Variants in CNTNAP1 observed in about 807,000 individuals in gnomAD.
The protein encoded by CNTNAP1 is contactin-associated protein 1.
A neutral mutation model predicts 161.5 loss-of-function variants in CNTNAP1; 80 were observed. The ratio of observed to expected loss-of-function variants is 0.50; its 90% CI spans 0.41 to 0.60. The LOEUF is 0.60. CNTNAP1 is among the 20% of genes least tolerant of loss of function. CNTNAP1 has a pLI of 0.00. For missense variants in CNTNAP1, 1,464 were observed against 1,854.8 expected (o/e 0.79, Z 3.87); for synonymous variants, 695 against 733.1 (o/e 0.95, Z 0.84).
intron 1 of CNTNAP1, chr17:42,683,369 G>A (rs1011683800): frequency 1.0e-4 from 113 of 1,078,972 alleles, no homozygotes; most frequent in Non-Finnish European, 1.2e-4. Flanking sequence ...GGCTGGACAT[G>A]GAGCTGGTGA....
rs2052998815 is a variant in CNTNAP1 at position 42,685,841 on chromosome 17, C to T, written c.716-116C>T. ...ACTCGCCAATGGCTGTTGATCTATTCGCCCACTCTCCCTGATTGCCCTGGG... is the reference window on the plus strand; with the variant it reads ...ACTCGCCAATGGCTGTTGATCTATTTGCCCACTCTCCCTGATTGCCCTGGG... On this transcript the variant is annotated intron_variant, in intron 5 of 23. Transcript: ENST00000264638. The surrounding 1 kb of genome is among the most constrained non-coding windows in gnomAD (Gnocchi z 5.0). 7.5e-6 allele frequency: 8 copies of T among 1,072,416 alleles called. No homozygotes were observed. The highest frequency in any genetic ancestry group is 1.6e-5 in the African/African-American group (1 of 63,254). The allele number at this position is 1,072,416 out of a possible 1,614,324, so 66.4% of individuals were successfully genotyped here. A position where few individuals can be genotyped will look rare whatever the true frequency, so the allele number is the denominator to read the frequency against.
intron 18 of CNTNAP1, among the ~76,000 whole-genome samples, chr17:42,694,560 G>A (rs982825044): frequency 1.3e-5 from 2 of 151,566 alleles, no homozygotes; most frequent in African/African-American, 4.8e-5. Flanking sequence ...CACCTAGGAG[G>A]TCAAGGCTGC....
In CNTNAP1 at chr17:42,691,548, C is replaced by T. The variant is rs755872808; in HGVS notation, c.2344+37C>T. ...TCCCCTTTTGTGTGCCCTCCCAGAG[C>T]TGACTCTCCAGTTTCCAAAATCTAG... is the stretch of plus-strand genomic sequence containing the variant. On this transcript the variant is annotated intron_variant, in intron 15 of 23. Coordinates refer to ENST00000264638, the MANE Select transcript of CNTNAP1 (RefSeq NM_003632.3). This position sits in a 1 kb window ranked among gnomAD's most constrained non-coding sequence, Gnocchi z 4.3. 2.5e-6 allele frequency: 4 copies of T among 1,610,624 alleles called. No individual in the cohort carries two copies. The highest frequency in any genetic ancestry group is 4.5e-5 in the East Asian group (2 of 44,846).
In CNTNAP1 at chr17:42,699,755, C is replaced by G. The variant is rs964458434; in HGVS notation, c.*845C>G. ...TGCAAAGTGTCTCTCTAGAGAAACT[C>G]TATATATTATTCGAATTTTTAAATT... On this transcript the variant is annotated 3_prime_UTR_variant, in exon 24 of 24. Transcript: ENST00000264638. 6.6e-6 allele frequency: 1 copy of G among 152,608 alleles called. No individual in the cohort carries two copies. Among genetic ancestry groups the G allele is most frequent in the African/African-American group, 2.4e-5 (1 of 41,436 alleles). 9.5% of individuals were successfully genotyped at this position (152,608 alleles called of 1,614,324 possible).
intron 21 of CNTNAP1, 68 bp downstream of exon 21, chr17:42,697,435 A>C (rs1436291487): frequency 1.5e-5 from 24 of 1,606,972 alleles, no homozygotes; most frequent in Non-Finnish European, 2.0e-5. Context: ...CCTCAAGGAA[A>C]GTGAAGGCCC....
intron 6 of CNTNAP1, 151 bp from the exon 7 acceptor site, chr17:42,686,752 A>G (rs2053021040): frequency 3.3e-6 from 3 of 907,944 alleles, no homozygotes; most frequent in East Asian, 5.3e-5. Context: ...TGAAAGGCCT[A>G]GCGAGCTTTA....
Position 42,697,917 on chromosome 17 carries a change from CA to C in CNTNAP1, c.3830del (p.His1277LeufsTer10). 6.2e-7 allele frequency: 1 copy of C among 1,614,160 alleles called. No individual in the cohort carries two copies. The highest frequency in any genetic ancestry group is 8.5e-7 in the Non-Finnish European group (1 of 1,180,020). ...WYLPPDFPYY[H>X]DEGWVAILLG... ...CTCCTCTCCAGACTTCCCCTACTAC[CA>C]TGATGAAGGATGGGTTGCCATACTT... On this transcript the variant is annotated frameshift_variant, in exon 23 of 24. Coordinates refer to ENST00000264638, the MANE Select transcript of CNTNAP1 (RefSeq NM_003632.3). LOFTEE classifies it high-confidence loss of function.
rs2053185052 is a variant in CNTNAP1, at chr17:42,698,662, C to T, written c.3907C>T (p.Leu1303Phe). Residue 1303 changes from leucine to phenylalanine, a missense_variant, in exon 24 of 24, where the codon CTC becomes TTC. Physicochemically the swap from Leu to Phe is conservative, Grantham distance 22. Around this residue, in one of 3 missense-constraint regions of CNTNAP1, gnomAD observed 1,383 missense variants for 1,765.0 expected, o/e 0.78. Transcript: ENST00000264638. Reference protein sequence around the residue: ...LLLGLVGMLVLFYLQNHRYKG... With the variant: ...LLLGLVGMLVFFYLQNHRYKG... Reference sequence around the variant, plus strand: ...GCTGGGGCTGGTGGGAATGTTGGTGCTCTTCTATCTGCAAAATCATCGCTA... The same window carrying T: ...GCTGGGGCTGGTGGGAATGTTGGTGTTCTTCTATCTGCAAAATCATCGCTA... 6.2e-7 allele frequency: 1 copy of T among 1,607,866 alleles called. No homozygotes were observed. The highest frequency in any genetic ancestry group is 1.7e-5 in the Admixed American group (1 of 59,632).
In CNTNAP1 at chr17:42,692,632, G is replaced by C. The variant is rs748524929; in HGVS notation, c.2664G>C (p.Arg888=). The stretch of plus-strand genomic sequence containing the variant: ...CTGAAATCAACGTGAAGCAGGCCCG[G>C]CTCCGAGTGGATCACCGGCCCTGGG... The part of the protein sequence containing the change: ...VRAEINVKQA[R]LRVDHRPWVL... Residue 888 remains arginine, a synonymous_variant, in exon 17 of 24, where the codon CGG becomes CGC. Transcript: ENST00000264638. The C allele has an allele frequency of 6.2e-7, 1 of 1,614,110 alleles. No homozygotes were observed. Among genetic ancestry groups the C allele is most frequent in the Non-Finnish European group, 8.5e-7 (1 of 1,180,054 alleles).
At position 42,687,063 on chromosome 17, in the gene CNTNAP1, G is replaced by C. The variant is rs746089259; in HGVS notation, c.1044+17G>C. On this transcript the variant is annotated intron_variant, in intron 7 of 23. Transcript: ENST00000264638. This position sits in a 1 kb window ranked among gnomAD's most constrained non-coding sequence, Gnocchi z 4.7. ...ACCTTCGAGGCCAGTGGGCAGGGGG[G>C]TCTGGGAGGACAGGATATCAAAGCG... The C allele has an allele frequency of 3.1e-6, 5 of 1,604,974 alleles. No individual in the cohort carries two copies. The South Asian group carries it at 5.5e-5, about 18-fold the overall frequency.
Position 42,685,845 on chromosome 17 carries a change from C to T in CNTNAP1, c.716-112C>T. 8.9e-7 allele frequency: 1 copy of T among 1,127,502 alleles called. No homozygotes were observed. Among genetic ancestry groups the T allele is most frequent in the Non-Finnish European group, 1.3e-6 (1 of 787,324 alleles). The allele number at this position is 1,127,502 out of a possible 1,614,324, so 69.8% of individuals were successfully genotyped here. A position where few individuals can be genotyped will look rare whatever the true frequency, so the allele number is the denominator to read the frequency against. ...GCCAATGGCTGTTGATCTATTCGCCCACTCTCCCTGATTGCCCTGGGCTTT... is the reference window on the plus strand; with the variant it reads ...GCCAATGGCTGTTGATCTATTCGCCTACTCTCCCTGATTGCCCTGGGCTTT... On this transcript the variant is annotated intron_variant, in intron 5 of 23. Transcript: ENST00000264638. This position sits in a 1 kb window ranked among gnomAD's most constrained non-coding sequence, Gnocchi z 5.0.
chr17:42,688,446 A>T lies in CNTNAP1; in HGVS notation c.1307-16A>T. 6.2e-7 allele frequency: 1 copy of T among 1,614,142 alleles called. No individual in the cohort carries two copies. Among genetic ancestry groups the T allele is most frequent in the Non-Finnish European group, 8.5e-7 (1 of 1,180,016 alleles). On this transcript the variant is annotated splice_polypyrimidine_tract_variant and intron_variant, in intron 8 of 23. Coordinates refer to ENST00000264638, the MANE Select transcript of CNTNAP1 (RefSeq NM_003632.3). Reference sequence around the variant, plus strand: ...GCTGCTTCCCTCCACCCACACCATCATCCATTCTTGTCCAGGGTACCGACT... The same window carrying T: ...GCTGCTTCCCTCCACCCACACCATCTTCCATTCTTGTCCAGGGTACCGACT...
At chr17:42,690,523 CAAA>C (rs374434783) in intron 12 of CNTNAP1, among the ~76,000 whole-genome samples, 2 of 106,790 alleles carry the variant, frequency 1.9e-5, no homozygotes, top group Non-Finnish European at 1.9e-5. Context: ...GACTTCATCT[CAAA>C]AAAAAAAAAA....
In CNTNAP1 at chr17:42,685,170, G is replaced by A; in HGVS notation, c.511+32G>A. 6.2e-7 allele frequency: 1 copy of A among 1,609,634 alleles called. No individual in the cohort carries two copies. The highest frequency in any genetic ancestry group is 1.7e-4 in the Middle Eastern group (1 of 6,052). On this transcript the variant is annotated intron_variant, in intron 4 of 23. Transcript: ENST00000264638. This position sits in a 1 kb window ranked among gnomAD's most constrained non-coding sequence, Gnocchi z 5.0. ...GTGCAGAGAGCGCGGAGGGGGCCTG[G>A]GAGACAGCCTCCCCAGTTCCCGGCC...
chr17:42,688,456 G>C lies in CNTNAP1; in HGVS notation c.1307-6G>C, dbSNP rs376577561. On this transcript the variant is annotated splice_region_variant and splice_polypyrimidine_tract_variant and intron_variant, in intron 8 of 23. Coordinates refer to ENST00000264638, the MANE Select transcript of CNTNAP1 (RefSeq NM_003632.3). ...TCCACCCACACCATCATCCATTCTT[G>C]TCCAGGGTACCGACTGAATGACGGC... 1.2e-5 allele frequency: 20 copies of C among 1,614,066 alleles called. No homozygotes were observed. The African/African-American group carries it at 2.5e-4, about 20-fold the overall frequency.
chr17:42,686,186 G>T (rs1466582985), intron 6 of CNTNAP1, 45 bp downstream of exon 6: 1 of 1,588,338 alleles, frequency 6.3e-7, no homozygotes, highest in Non-Finnish European at 8.6e-7. Flanking sequence ...GTAGATGCTG[G>T]ATGAGTGAGT....
At position 42,689,056 on chromosome 17, in the gene CNTNAP1, A is replaced by C. The variant is rs751055704; in HGVS notation, c.1628+9A>C. ...TGTGGCATCACTGATAGGTACCCAG[A>C]AGCCCCTAACAAGAGATGACCCCTC... On this transcript the variant is annotated intron_variant, in intron 10 of 23. Transcript: ENST00000264638. The C allele has an allele frequency of 6.4e-7, 1 of 1,556,184 alleles. No homozygotes were observed. The highest frequency in any genetic ancestry group is 8.7e-7 in the Non-Finnish European group (1 of 1,149,664).
intron 23 of CNTNAP1, 106 bp from the exon 24 acceptor site, chr17:42,698,512 A>G (rs1318019180): frequency 1.1e-6 from 1 of 907,986 alleles, no homozygotes; most frequent in Non-Finnish European, 1.7e-6. Flanking sequence ...GTGTATGTAT[A>G]CAGGTGAAAT....
At chr17:42,693,697 T>G (rs372949466) in intron 18 of CNTNAP1, among the ~76,000 whole-genome samples, 161 bp downstream of exon 18, 1 of 152,244 alleles carries the variant, frequency 6.6e-6, no homozygotes, top group East Asian at 1.9e-4. Flanking sequence ...TTGAAGATCA[T>G]GGGTGACTCC....
Sources: gnomAD v4.1 joint callset for allele counts (sites outside exome capture counted in the v4.1 genomes callset) on GRCh38, gnomAD v4.1.1 for gene constraint, gnomAD v4.1.1 regional missense constraint, Gnocchi (gnomAD v3.1) non-coding constraint, MANE v1.5 for transcripts, NCBI Gene and HGNC (gene_info 2026-07-23, HGNC 2026-07-21) for gene names.